CHIC1: variants seen among roughly 807,000 people sequenced by gnomAD.
The protein encoded by CHIC1 is cysteine rich hydrophobic domain 1.
Under a neutral mutation model 18.5 loss-of-function variants are expected in CHIC1, and 7 were observed. That is an observed-to-expected ratio of 0.38 (90% CI 0.22 to 0.71). The LOEUF is 0.71. CHIC1 is among the 30% of genes least tolerant of loss of function. The probability of loss-of-function intolerance (pLI) is 0.49; values close to 1 mark genes in which losing one functional copy is unlikely to be tolerated. For missense variants in CHIC1, 159 were observed against 176.9 expected (o/e 0.90, Z 0.57); for synonymous variants, 77 against 73.5 (o/e 1.05, Z -0.25).
At chrX:73,657,022 T>C (rs189314357) in intron 3 of CHIC1, among the ~76,000 whole-genome samples, 3 of 108,979 alleles carry the variant, frequency 2.8e-5, no homozygotes, top group Non-Finnish European at 5.7e-5. Context: ...TTACTTCCCT[T>C]GTAGGCTATA....
chrX:73,643,027 A>T lies in CHIC1; in HGVS notation c.508-36299A>T, dbSNP rs867409632. Among the ~76,000 whole-genome samples the T allele has an allele frequency of 1.2e-4, 13 of 111,815 alleles. No homozygotes were observed. The South Asian group carries it at 3.8e-3, about 32-fold the overall frequency. On this transcript the variant is annotated intron_variant, in intron 3 of 5. Coordinates refer to ENST00000373502, the MANE Select transcript of CHIC1 (RefSeq NM_001039840.4). The stretch of plus-strand genomic sequence containing the variant: ...AGGCCGGTTGTTCCTTTCCATGTTT[A>T]GTGCTTCCTTCAGGAGCTCTTTTAG...
intron 3 of CHIC1, among the ~76,000 whole-genome samples, chrX:73,627,137 CAAAAAAAAAA>C (rs759306668): frequency 1.4e-3 from 78 of 56,983 alleles, no homozygotes; most frequent in Non-Finnish European, 1.0e-3. Context: ...TAAGTTCTCC[CAAAAAAAAAA>C]AAAAAAAAAA....
intron 3 of CHIC1, among the ~76,000 whole-genome samples, chrX:73,662,045 AAAATAAATAAAAATAAAT>A (rs911037184): frequency 2.1e-4 from 23 of 108,587 alleles, no homozygotes; most frequent in South Asian, 7.9e-4. Context: ...TAATAATAAA[AAAATAAATAAAAATAAAT>A]AAATAAATAA....
intron 3 of CHIC1, among the ~76,000 whole-genome samples, chrX:73,585,799 G>C (rs2057550107): frequency 9.0e-6 from 1 of 110,521 alleles, no homozygotes; most frequent in Admixed American, 9.7e-5. Flanking sequence ...TCACCAGAAG[G>C]CCTGAAATAA....
At chrX:73,572,143 A>G (rs184126189) in intron 1 of CHIC1, among the ~76,000 whole-genome samples, 39 of 111,184 alleles carry the variant, frequency 3.5e-4, no homozygotes, top group African/African-American at 1.1e-3. Context: ...CACAGTGTCT[A>G]TTATTCCCAT....
chrX:73,566,788 T>C (rs866518578), intron 1 of CHIC1, among the ~76,000 whole-genome samples: 44 of 111,403 alleles, frequency 3.9e-4, no homozygotes, highest in African/African-American at 1.3e-3. Flanking sequence ...ATCCTTCAGG[T>C]TCTCTCTGCT....
intron 3 of CHIC1, among the ~76,000 whole-genome samples, chrX:73,618,039 ATTAT>A (rs199796414): frequency 0.047 from 5,187 of 110,622 alleles, 309 homozygotes; most frequent in African/African-American, 0.16. Context: ...AACTGCAGTG[ATTAT>A]TTCTTTTTTG....
At chrX:73,669,810 G>T (rs986288897) in intron 3 of CHIC1, among the ~76,000 whole-genome samples, 1 of 111,845 alleles carries the variant, frequency 8.9e-6, no homozygotes, top group African/African-American at 3.2e-5. Flanking sequence ...AGGATTCCAA[G>T]CCAGTGGTTA....
At chrX:73,594,216 G>A (rs1219725808) in intron 3 of CHIC1, among the ~76,000 whole-genome samples, 4 of 110,175 alleles carry the variant, frequency 3.6e-5, no homozygotes, top group Admixed American at 9.8e-5. Context: ...AGTCACCCAC[G>A]CTGGAATACA....
intron 3 of CHIC1, among the ~76,000 whole-genome samples, chrX:73,667,999 A>G (rs1374102528): frequency 5.4e-5 from 6 of 111,741 alleles, no homozygotes; most frequent in Non-Finnish European, 1.1e-4. Flanking sequence ...AGGTACCCCA[A>G]TCAGTCATAG....
chrX:73,566,851 T>A (rs1235503644), intron 1 of CHIC1, among the ~76,000 whole-genome samples: 1 of 111,626 alleles, frequency 9.0e-6, no homozygotes, highest in Non-Finnish European at 1.9e-5. Context: ...TACTCCAGGG[T>A]TCACAAACAC....
chrX:73,657,741 T>G lies in CHIC1; in HGVS notation c.508-21585T>G, dbSNP rs1038523183. The stretch of plus-strand genomic sequence containing the variant: ...CAGCTTTTGCTCATTCAGTATGATA[T>G]TGGCTGTAGATTTTTCATTTATGGC... On this transcript the variant is annotated intron_variant, in intron 3 of 5. Transcript: ENST00000373502. Among the ~76,000 whole-genome samples, 4 of 112,061 alleles carry G rather than the reference T, an allele frequency of 3.6e-5. No homozygotes were observed. In the East Asian group the frequency reaches 1.1e-3, roughly 32 times the overall value.
intron 4 of CHIC1, 106 bp downstream of exon 4, chrX:73,679,488 G>T (rs762327740): frequency 1.6e-5 from 9 of 579,689 alleles, no homozygotes; most frequent in East Asian, 3.7e-5. Flanking sequence ...ATGGATTAGA[G>T]AATTAATACT....
chrX:73,661,843 T>G (rs2057981827), intron 3 of CHIC1, among the ~76,000 whole-genome samples: 1 of 110,762 alleles, frequency 9.0e-6, no homozygotes, highest in South Asian at 3.8e-4. Flanking sequence ...AAACAGCCAC[T>G]TTTCCATGTT....
At position 73,563,425 on chromosome X, in the gene CHIC1, TGAGGAGGAAGAGGAGGAA is replaced by T; in HGVS notation, c.150_167del (p.Glu63_Glu68del). 1.7e-6 allele frequency: 2 copies of T among 1,145,271 alleles called. No homozygotes were observed. The highest frequency in any genetic ancestry group is 2.3e-6 in the Non-Finnish European group (2 of 861,808). 94.4% of individuals were successfully genotyped at this position (1,145,271 alleles called of 1,213,427 possible). On this transcript the variant is annotated inframe_deletion, in exon 1 of 6. Transcript: ENST00000373502. ...CTGGGCCCGACGATGACGAGGAGGA[TGAGGAGGAAGAGGAGGAA>T]GAGGAGGAGGAGGAAGAAGAGGAGG...
chrX:73,664,551 C>G (rs1018215166), intron 3 of CHIC1, among the ~76,000 whole-genome samples: 3 of 110,911 alleles, frequency 2.7e-5, no homozygotes, highest in East Asian at 5.7e-4. Flanking sequence ...AATAAGATAC[C>G]AGTGGCCTGG....
chrX:73,575,817 A>T (rs766023589), intron 1 of CHIC1, among the ~76,000 whole-genome samples: 3 of 110,272 alleles, frequency 2.7e-5, no homozygotes, highest in Non-Finnish European at 5.8e-5. Context: ...TTGTTCCATA[A>T]TAAATTAACC....
At chrX:73,609,686 A>G (rs1021317275) in intron 3 of CHIC1, among the ~76,000 whole-genome samples, 2 of 109,940 alleles carry the variant, frequency 1.8e-5, no homozygotes, top group African/African-American at 3.5e-5. Context: ...ATTGATACTT[A>G]GTATTTCTAC....
intron 3 of CHIC1, among the ~76,000 whole-genome samples, chrX:73,633,368 C>T (rs944313547): frequency 9.1e-6 from 1 of 110,341 alleles, no homozygotes; most frequent in African/African-American, 3.3e-5. Context: ...TCTCTTATGG[C>T]TTATAAGGTT....
Sources: gnomAD v4.1 joint callset for allele counts (sites outside exome capture counted in the v4.1 genomes callset) on GRCh38, gnomAD v4.1.1 for gene constraint, MANE v1.5 for transcripts, NCBI Gene and HGNC (gene_info 2026-07-23, HGNC 2026-07-21) for gene names.